Variants in KCNQ5 observed in about 807,000 individuals in gnomAD.
KCNQ5 encodes the protein potassium voltage-gated channel subfamily Q member 5, also known as potassium voltage-gated channel subfamily KQT member 5.
In KCNQ5, 30 loss-of-function variants were observed where a neutral mutation model predicts 98.2. The observed-to-expected ratio is 0.31, with a 90% CI of 0.23 to 0.41. The LOEUF (loss-of-function observed/expected upper bound fraction) is 0.41, where lower values mean the gene tolerates loss of function less well. KCNQ5 is among the 10% of genes least tolerant of loss of function. The pLI is 1.00. For synonymous variants in KCNQ5, 458 were observed against 449.4 expected (o/e 1.02, Z -0.24); for missense variants, 835 against 1,182.5 (o/e 0.71, Z 4.31).
chr6:73,003,819 C>T (rs780158726), intron 1 of KCNQ5, 89 bp from the exon 2 acceptor site: 18 of 824,058 alleles, frequency 2.2e-5, no homozygotes, highest in African/African-American at 5.1e-5. Flanking sequence ...ATTTAATGGG[C>T]CTGGTGCTTT....
chr6:72,642,214 C>T (rs762670663), intron 1 of KCNQ5, among the ~76,000 whole-genome samples: 4 of 150,756 alleles, frequency 2.7e-5, no homozygotes, highest in South Asian at 2.1e-4. Flanking sequence ...AAACATTTTG[C>T]GAGTAAAAAA....
chr6:73,006,377 C>A (rs1316023341), intron 2 of KCNQ5, among the ~76,000 whole-genome samples: 1 of 139,302 alleles, frequency 7.2e-6, no homozygotes, highest in Non-Finnish European at 1.5e-5. Context: ...CAAGACCAGG[C>A]ACAGTGACTC....
At chr6:72,712,403 T>TA in intron 1 of KCNQ5, among the ~76,000 whole-genome samples, 1 of 152,344 alleles carries the variant, frequency 6.6e-6, no homozygotes, top group Middle Eastern at 3.4e-3. Flanking sequence ...AAGCCTAGCA[T>TA]ATGAATGAAC....
At chr6:72,650,558 C>A (rs1765821874) in intron 1 of KCNQ5, among the ~76,000 whole-genome samples, 1 of 152,048 alleles carries the variant, frequency 6.6e-6, no homozygotes, top group Admixed American at 6.6e-5. Context: ...GAGTGGTTTG[C>A]CCTCTGGGGA....
At chr6:72,723,116 C>A (rs143765098) in intron 1 of KCNQ5, among the ~76,000 whole-genome samples, 1,763 of 152,108 alleles carry the variant, frequency 0.012, 29 homozygotes, top group African/African-American at 0.039. Flanking sequence ...TCAACCTCCC[C>A]AAGTGCTGGG....
intron 1 of KCNQ5, among the ~76,000 whole-genome samples, chr6:72,672,265 T>C (rs181573998): frequency 7.7e-4 from 117 of 152,094 alleles, no homozygotes; most frequent in African/African-American, 2.7e-3. Context: ...GCCTGGCTAA[T>C]TTTTGTAATT....
At chr6:73,076,812 C>T (rs1167144762) in intron 3 of KCNQ5, among the ~76,000 whole-genome samples, 1 of 152,088 alleles carries the variant, frequency 6.6e-6, no homozygotes, top group Non-Finnish European at 1.5e-5. Flanking sequence ...AAAGGAAATG[C>T]AAACTTATTT....
chr6:72,810,267 C>T (rs1296748530), intron 1 of KCNQ5, among the ~76,000 whole-genome samples: 2 of 152,150 alleles, frequency 1.3e-5, no homozygotes, highest in Non-Finnish European at 2.9e-5. Context: ...CTTTGTTACT[C>T]ACTCTAGGAG....
chr6:72,867,835 C>T (rs1430357755), intron 1 of KCNQ5, among the ~76,000 whole-genome samples: 1 of 151,732 alleles, frequency 6.6e-6, no homozygotes. Context: ...CTGGGAAGGT[C>T]GAGGCAGGAG....
rs576814638 is a variant in KCNQ5 at position 72,920,628 on chromosome 6, G to A, written c.399-83280G>A. ...TGACATTTATTTGAGTGAAGAAAAA[G>A]CCTGACAATCTCTTTTTCTATGTTC... On this transcript the variant is annotated intron_variant, in intron 1 of 13. Transcript: ENST00000370398. Among the ~76,000 whole-genome samples the A allele has an allele frequency of 1.8e-3, 267 of 152,212 alleles. 5 individuals are homozygous for A. Among genetic ancestry groups the A allele is most frequent in the Non-Finnish European group, 3.5e-4 (24 of 68,014 alleles).
At chr6:72,914,480 C>T (rs1328798159) in intron 1 of KCNQ5, among the ~76,000 whole-genome samples, 4 of 149,598 alleles carry the variant, frequency 2.7e-5, no homozygotes, top group African/African-American at 4.9e-5. Flanking sequence ...AAGCAGGCCA[C>T]CCTGTGAACT....
chr6:73,170,492 G>A (rs908523599), intron 11 of KCNQ5, among the ~76,000 whole-genome samples: 34 of 148,666 alleles, frequency 2.3e-4, no homozygotes, highest in Non-Finnish European at 4.4e-4. Context: ...ATGAATTGCT[G>A]CATGCTCAGC....
chr6:73,040,754 G>C (rs1771652823), intron 2 of KCNQ5, among the ~76,000 whole-genome samples: 1 of 152,104 alleles, frequency 6.6e-6, no homozygotes, highest in Non-Finnish European at 1.5e-5. Context: ...AGCTCTACTA[G>C]GCATTTCAAA....
intron 2 of KCNQ5, 72 bp from the exon 3 acceptor site, chr6:73,041,864 A>G: frequency 1.3e-6 from 2 of 1,573,478 alleles, no homozygotes; most frequent in Non-Finnish European, 1.7e-6. Context: ...ATGTCCAAAA[A>G]TATGCATAGA....
In KCNQ5 at chr6:73,030,676, A is replaced by G. The variant is rs572152061; in HGVS notation, c.490-11260A>G. Among the ~76,000 whole-genome samples, 8 of 152,340 alleles carry G rather than the reference A, an allele frequency of 5.3e-5. No homozygotes were observed. In the South Asian group the frequency reaches 1.4e-3, roughly 28 times the overall value. Reference sequence around the variant, plus strand: ...GGAAGTCTAGAAGGAATTTGGTCAAATGACCTGAGGAGGCAAGGAGATTTC... The same window carrying G: ...GGAAGTCTAGAAGGAATTTGGTCAAGTGACCTGAGGAGGCAAGGAGATTTC... On this transcript the variant is annotated intron_variant, in intron 2 of 13. Coordinates refer to ENST00000370398, the MANE Select transcript of KCNQ5 (RefSeq NM_019842.4).
At chr6:73,125,670 A>G (rs1235196536) in intron 9 of KCNQ5, 1 of 187,474 alleles carries the variant, frequency 5.3e-6, no homozygotes, top group Non-Finnish European at 1.1e-5. Context: ...TGGATTATCC[A>G]TTTTTGCATT....
chr6:72,789,433 C>A (rs1022439159), intron 1 of KCNQ5, among the ~76,000 whole-genome samples: 2 of 152,158 alleles, frequency 1.3e-5, no homozygotes, highest in Admixed American at 1.3e-4. Flanking sequence ...TTACCTCAGA[C>A]CAGTGTTTCA....
At chr6:72,710,666 A>T (rs1769319974) in intron 1 of KCNQ5, among the ~76,000 whole-genome samples, 1 of 152,230 alleles carries the variant, frequency 6.6e-6, no homozygotes, top group African/African-American at 2.4e-5. Context: ...ATATGCACCC[A>T]ACATTGGAGC....
intron 10 of KCNQ5, among the ~76,000 whole-genome samples, chr6:73,154,862 A>G (rs984262206): frequency 1.2e-4 from 18 of 152,186 alleles, no homozygotes; most frequent in Non-Finnish European, 2.2e-4. Flanking sequence ...AGGATTTTGA[A>G]GTATACCTAG....
Sources: gnomAD v4.1 joint callset for allele counts (sites outside exome capture counted in the v4.1 genomes callset) on GRCh38, gnomAD v4.1.1 for gene constraint, MANE v1.5 for transcripts, NCBI Gene and HGNC (gene_info 2026-07-23, HGNC 2026-07-21) for gene names.